The following SORCS1 variants were observed in gnomAD, a reference collection of about 807,000 sequenced individuals.
SORCS1 encodes the protein sortilin related VPS10 domain containing receptor 1, also known as VPS10 domain-containing receptor SorCS1.
SORCS1 carries 60 observed loss-of-function variants against 146.1 expected under a neutral mutation model. That is an observed-to-expected ratio of 0.41 (90% CI 0.33 to 0.51). The LOEUF (loss-of-function observed/expected upper bound fraction) is 0.51. SORCS1 is among the 20% of genes least tolerant of loss of function. The pLI is 0.21. For synonymous variants in SORCS1, 637 were observed against 584.0 expected (o/e 1.09, Z -1.31); for missense variants, 1,352 against 1,487.6 (o/e 0.91, Z 1.50).
chr10:106,683,757 A>T (rs2135587115), intron 10 of SORCS1, among the ~76,000 whole-genome samples: 1 of 152,256 alleles, frequency 6.6e-6, no homozygotes, highest in East Asian at 1.9e-4. Context: ...CAAGCTCCCA[A>T]ATAGTATCCC....
At chr10:107,031,627 A>G (rs1958663143) in intron 1 of SORCS1, among the ~76,000 whole-genome samples, 1 of 151,458 alleles carries the variant, frequency 6.6e-6, no homozygotes, top group African/African-American at 2.4e-5. Context: ...GGGGGGGAAT[A>G]GGGTCTCACT....
intron 2 of SORCS1, among the ~76,000 whole-genome samples, chr10:106,900,999 C>G (rs1430458413): frequency 6.6e-6 from 1 of 152,114 alleles, no homozygotes; most frequent in Admixed American, 6.5e-5. Context: ...TTCTTCTGAT[C>G]TCTTTAGCAT....
At position 106,578,593 on chromosome 10, in the gene SORCS1, G is replaced by T. The variant is rs917468258; in HGVS notation, c.3371+776C>A. The T allele has an allele frequency of 1.3e-5, 12 of 931,074 alleles. 1 individual carries two copies. Among genetic ancestry groups the T allele is most frequent in the Non-Finnish European group, 1.5e-5 (12 of 780,150 alleles). The allele number at this position is 931,074 out of a possible 1,614,324, so 57.7% of individuals were successfully genotyped here. A position where few individuals can be genotyped will look rare whatever the true frequency, so the allele number is the denominator to read the frequency against. On this transcript the variant is annotated intron_variant, in intron 25 of 25. Transcript: ENST00000263054. ...TAAAAAAAAAAAAAATTCCCTGGAG[G>T]ATCAGGCTGGCCACTCTCATTATGT... is the stretch of plus-strand genomic sequence containing the variant.
At chr10:106,666,772 G>T (rs1034147106) in intron 17 of SORCS1, among the ~76,000 whole-genome samples, 9 of 151,368 alleles carry the variant, frequency 5.9e-5, no homozygotes, top group Non-Finnish European at 1.0e-4. Context: ...CACCATGTTG[G>T]CCAGGCTGCT....
intron 1 of SORCS1, among the ~76,000 whole-genome samples, chr10:107,001,609 AC>A (rs1270039338): frequency 2.0e-5 from 3 of 152,140 alleles, no homozygotes; most frequent in African/African-American, 7.2e-5. Context: ...GATTACAGGC[AC>A]GTGCCACCAC....
At position 106,699,411 on chromosome 10, in the gene SORCS1, G is replaced by T. The variant is rs1443348906; in HGVS notation, c.1234-18C>A. Reference sequence around the variant, plus strand: ...TGCATGTCCTGTGAAAAGACACAAGGTCGTGAAGAGGGAAAAAGAGTTTTA... The same window carrying T: ...TGCATGTCCTGTGAAAAGACACAAGTTCGTGAAGAGGGAAAAAGAGTTTTA... On this transcript the variant is annotated intron_variant, in intron 8 of 25. Transcript: ENST00000263054. 1 of 1,591,220 alleles carries T rather than the reference G, an allele frequency of 6.3e-7. No homozygotes were observed. The highest frequency in any genetic ancestry group is 8.6e-7 in the Non-Finnish European group (1 of 1,168,556).
At chr10:107,029,244 C>A (rs1301540084) in intron 1 of SORCS1, among the ~76,000 whole-genome samples, 1 of 152,166 alleles carries the variant, frequency 6.6e-6, no homozygotes, top group Admixed American at 6.5e-5. Flanking sequence ...CATTCACTGG[C>A]ACGCTAGCAT....
chr10:106,798,355 T>C (rs1476193105), intron 3 of SORCS1, among the ~76,000 whole-genome samples: 4 of 152,218 alleles, frequency 2.6e-5, no homozygotes, highest in Admixed American at 2.6e-4. Context: ...TTGTTACATA[T>C]GTATACATGT....
rs182777247 is a variant in SORCS1 at position 106,983,609 on chromosome 10, G to C, written c.559-27029C>G. Among the ~76,000 whole-genome samples, 164 of 152,220 alleles carry C rather than the reference G, an allele frequency of 1.1e-3. 3 individuals carry two copies. Among genetic ancestry groups the C allele is most frequent in the African/African-American group, 3.9e-3 (161 of 41,520 alleles). On this transcript the variant is annotated intron_variant, in intron 1 of 25. Transcript: ENST00000263054. ...GCTATTTGTCTTTTCTTCACTATTAGAGGTCCCGTAAGCAACACTGCCCAT... is the reference window on the plus strand; with the variant it reads ...GCTATTTGTCTTTTCTTCACTATTACAGGTCCCGTAAGCAACACTGCCCAT...
At chr10:106,823,369 G>A (rs1288344795) in intron 3 of SORCS1, among the ~76,000 whole-genome samples, 1 of 152,104 alleles carries the variant, frequency 6.6e-6, no homozygotes, top group Non-Finnish European at 1.5e-5. Context: ...ACCTAGAAAT[G>A]ACTAAAACCT....
chr10:106,836,474 C>CG (rs1948794139), intron 2 of SORCS1, among the ~76,000 whole-genome samples: 2 of 77,810 alleles, frequency 2.6e-5, no homozygotes, highest in Non-Finnish European at 4.8e-5. Context: ...GACTCGGTCT[C>CG]AAAAAAAAAA....
chr10:106,713,724 C>T (rs916104501), intron 6 of SORCS1, among the ~76,000 whole-genome samples: 5 of 152,120 alleles, frequency 3.3e-5, no homozygotes, highest in African/African-American at 1.2e-4. Flanking sequence ...TATGTGGTTG[C>T]AACGTGGTTA....
chr10:107,019,223 A>G (rs1292137329), intron 1 of SORCS1, among the ~76,000 whole-genome samples: 2 of 152,212 alleles, frequency 1.3e-5, no homozygotes, highest in African/African-American at 4.8e-5. Flanking sequence ...TTAAAAAATA[A>G]ACATTTTTGA....
At chr10:106,660,149 A>G (rs1174826867) in intron 17 of SORCS1, among the ~76,000 whole-genome samples, 2 of 152,244 alleles carry the variant, frequency 1.3e-5, no homozygotes, top group Non-Finnish European at 2.9e-5. Context: ...CAACCAAAAC[A>G]GAATCACCTG....
chr10:106,797,476 C>G (rs2136596936), intron 3 of SORCS1, among the ~76,000 whole-genome samples: 1 of 152,128 alleles, frequency 6.6e-6, no homozygotes, highest in South Asian at 2.1e-4. Context: ...CTTCTAAACT[C>G]TGAATACAAT....
chr10:106,921,768 G>A (rs1952724382), intron 2 of SORCS1, among the ~76,000 whole-genome samples: 1 of 152,116 alleles, frequency 6.6e-6, no homozygotes, highest in Non-Finnish European at 1.5e-5. Context: ...AGGGTCCAGT[G>A]CCCCAAAAGG....
At chr10:107,057,679 A>G (rs1241708939) in intron 1 of SORCS1, among the ~76,000 whole-genome samples, 1 of 152,162 alleles carries the variant, frequency 6.6e-6, no homozygotes, top group East Asian at 1.9e-4. Flanking sequence ...ATAGAACTGC[A>G]TTATTTGATT....
rs760138026 is a variant in SORCS1 at position 106,688,328 on chromosome 10, A to G, written c.1424T>C (p.Ile475Thr). The G allele has an allele frequency of 6.2e-7, 1 of 1,612,970 alleles. No homozygotes were observed. The highest frequency in any genetic ancestry group is 1.3e-5 in the African/African-American group (1 of 74,864). Residue 475 changes from isoleucine to threonine, a missense_variant, in exon 10 of 26, where the codon ATA becomes ACA. Around this residue, in one of 3 missense-constraint regions of SORCS1, gnomAD observed 648 missense variants for 793.8 expected, o/e 0.82. Transcript: ENST00000263054. ...IMIDLYEVAG[I>T]KGMFLANKKI... The stretch of plus-strand genomic sequence containing the variant: ...CTTGTTAGCCAAGAACATTCCCTTT[A>G]TCCCTGCTACCTGGGAAAAATTGAC...
intron 1 of SORCS1, among the ~76,000 whole-genome samples, chr10:106,995,702 G>T (rs997489898): frequency 6.6e-6 from 1 of 152,022 alleles, no homozygotes; most frequent in Non-Finnish European, 1.5e-5. Context: ...AAAAATATTC[G>T]TCATGGTAGA....
Sources: gnomAD v4.1 joint callset for allele counts (sites outside exome capture counted in the v4.1 genomes callset) on GRCh38, gnomAD v4.1.1 for gene constraint, gnomAD v4.1.1 regional missense constraint, MANE v1.5 for transcripts, NCBI Gene and HGNC (gene_info 2026-07-23, HGNC 2026-07-21) for gene names.